AGBL4: variants seen among roughly 807,000 people sequenced by gnomAD.
The protein encoded by AGBL4 is cytosolic carboxypeptidase 6.
A neutral mutation model predicts 66.4 loss-of-function variants in AGBL4; 58 were observed. The ratio of observed to expected loss-of-function variants is 0.87; its 90% CI spans 0.71 to 1.09. The LOEUF is 1.09. Ranked by LOEUF, AGBL4 falls within the 50% of genes least tolerant of loss-of-function variation. AGBL4 has a pLI of 0.00. For synonymous variants in AGBL4, 234 were observed against 222.9 expected (o/e 1.05, Z -0.44); for missense variants, 579 against 631.0 (o/e 0.92, Z 0.88).
At chr1:49,049,193 A>G (rs1343623395) in intron 4 of AGBL4, among the ~76,000 whole-genome samples, 3 of 152,038 alleles carry the variant, frequency 2.0e-5, no homozygotes, top group Non-Finnish European at 4.4e-5. Flanking sequence ...TTTGTGCTCG[A>G]TCTTTCCTCT....
chr1:49,770,441 T>A (rs1435997178), intron 2 of AGBL4, among the ~76,000 whole-genome samples: 3 of 152,198 alleles, frequency 2.0e-5, no homozygotes, highest in African/African-American at 7.2e-5. Context: ...TTTTTGATAA[T>A]TTTTGCATCC....
At position 49,598,528 on chromosome 1, in the gene AGBL4, C is replaced by T. The variant is rs570171054; in HGVS notation, c.282+98785G>A. On this transcript the variant is annotated intron_variant, in intron 3 of 13. Transcript: ENST00000371839. ...ATCAGCAGCGGTGGCTGGAGAACAGCGGATTTTCGTGAACCGCGAATGCTG... is the reference window on the plus strand; with the variant it reads ...ATCAGCAGCGGTGGCTGGAGAACAGTGGATTTTCGTGAACCGCGAATGCTG... Among the ~76,000 whole-genome samples the T allele has an allele frequency of 7.9e-5, 12 of 152,268 alleles. No individual in the cohort carries two copies. In the South Asian group the frequency reaches 8.3e-4, roughly 11 times the overall value.
intron 3 of AGBL4, among the ~76,000 whole-genome samples, chr1:49,584,412 T>C (rs1276242734): frequency 6.6e-6 from 1 of 152,144 alleles, no homozygotes; most frequent in East Asian, 1.9e-4. Flanking sequence ...TATCCTTCCA[T>C]TGGGGGGCAG....
chr1:48,998,774 G>T (rs1053971909), intron 5 of AGBL4, among the ~76,000 whole-genome samples: 3 of 152,158 alleles, frequency 2.0e-5, no homozygotes, highest in African/African-American at 7.2e-5. Flanking sequence ...TTGTGAAAGA[G>T]AAATGAACGT....
chr1:49,847,020 T>C (rs1038840640), intron 2 of AGBL4, among the ~76,000 whole-genome samples: 4 of 152,222 alleles, frequency 2.6e-5, no homozygotes, highest in Non-Finnish European at 5.9e-5. Flanking sequence ...TTATCTGGCA[T>C]CAAATTACAC....
intron 1 of AGBL4, among the ~76,000 whole-genome samples, chr1:49,960,840 T>C (rs1657061232): frequency 6.6e-6 from 1 of 152,138 alleles, no homozygotes; most frequent in South Asian, 2.1e-4. Flanking sequence ...TGTTTGTCTC[T>C]TATGCACTGT....
At chr1:48,701,437 CT>C (rs369340298) in intron 6 of AGBL4, among the ~76,000 whole-genome samples, 3 of 57,534 alleles carry the variant, frequency 5.2e-5, no homozygotes, top group Middle Eastern at 0.013. Flanking sequence ...ACCAGATTGG[CT>C]TTTTTTTCTT....
intron 9 of AGBL4, among the ~76,000 whole-genome samples, chr1:48,613,270 G>A (rs1338489927): frequency 6.6e-6 from 1 of 152,146 alleles, no homozygotes; most frequent in African/African-American, 2.4e-5. Context: ...AGTCTGTGGT[G>A]CAACTGGAAT....
At chr1:49,445,679 G>C (rs1207365066) in intron 3 of AGBL4, among the ~76,000 whole-genome samples, 1 of 151,720 alleles carries the variant, frequency 6.6e-6, no homozygotes, top group Non-Finnish European at 1.5e-5. Flanking sequence ...GTATTGTCTT[G>C]AATAAATTCT....
intron 2 of AGBL4, among the ~76,000 whole-genome samples, chr1:49,833,580 G>C (rs529936656): frequency 8.8e-4 from 133 of 151,714 alleles, no homozygotes; most frequent in African/African-American, 3.1e-3. Flanking sequence ...AAATTACCTT[G>C]GGCAGTATGG....
At chr1:49,107,370 T>C (rs954496850) in intron 4 of AGBL4, among the ~76,000 whole-genome samples, 5 of 152,192 alleles carry the variant, frequency 3.3e-5, no homozygotes, top group African/African-American at 9.7e-5. Flanking sequence ...ATTTTCAATG[T>C]AATATTTTCA....
At chr1:49,348,516 G>T (rs1645685505) in intron 3 of AGBL4, among the ~76,000 whole-genome samples, 1 of 152,188 alleles carries the variant, frequency 6.6e-6, no homozygotes, top group South Asian at 2.1e-4. Context: ...GTGCTGTAAA[G>T]ATGAAGGCAG....
At chr1:48,751,615 T>C (rs1226359618) in intron 6 of AGBL4, among the ~76,000 whole-genome samples, 1 of 152,222 alleles carries the variant, frequency 6.6e-6, no homozygotes, top group Non-Finnish European at 1.5e-5. Context: ...TAATGAACAC[T>C]TTCCCACCTC....
chr1:49,394,933 A>G (rs1390059803), intron 3 of AGBL4, among the ~76,000 whole-genome samples: 3 of 152,126 alleles, frequency 2.0e-5, no homozygotes, highest in Non-Finnish European at 4.4e-5. Context: ...AAAGAATAAA[A>G]CTTCCTGAAT....
chr1:49,706,889 T>C (rs559506986), intron 2 of AGBL4, among the ~76,000 whole-genome samples: 2 of 152,358 alleles, frequency 1.3e-5, no homozygotes, highest in South Asian at 4.1e-4. Flanking sequence ...TCTAATTTGA[T>C]TGCACTGTGG....
At chr1:49,881,770 G>A (rs1337260381) in intron 1 of AGBL4, among the ~76,000 whole-genome samples, 1 of 151,374 alleles carries the variant, frequency 6.6e-6, no homozygotes, top group African/African-American at 2.4e-5. Flanking sequence ...TGAGTTCATT[G>A]TAGATTCTGG....
chr1:48,987,772 T>C lies in AGBL4; in HGVS notation c.594+57812A>G, dbSNP rs549001703. ...ATTCTGGGTCATAAAACAAGTTTCA[T>C]GCATGTGAAAAACCTGATGGAATCT... On this transcript the variant is annotated intron_variant, in intron 5 of 13. Transcript: ENST00000371839. Among the ~76,000 whole-genome samples, 5 of 152,212 alleles carry C rather than the reference T, an allele frequency of 3.3e-5. No individual in the cohort carries two copies. In the East Asian group the frequency reaches 9.7e-4, roughly 29 times the overall value.
chr1:49,285,259 C>G (rs1352353346), intron 3 of AGBL4, among the ~76,000 whole-genome samples: 1 of 152,080 alleles, frequency 6.6e-6, no homozygotes, highest in African/African-American at 2.4e-5. Flanking sequence ...ACAACCTGCT[C>G]CTGAATGACT....
chr1:49,356,330 G>A (rs1329119790), intron 3 of AGBL4, among the ~76,000 whole-genome samples: 2 of 152,088 alleles, frequency 1.3e-5, no homozygotes, highest in Non-Finnish European at 1.5e-5. Context: ...TCTGATAAAC[G>A]ACAGACACAG....
Sources: allele counts gnomAD v4.1 joint callset (sites outside exome capture counted in the v4.1 genomes callset), GRCh38; gene constraint gnomAD v4.1.1; transcripts MANE v1.5; gene names NCBI Gene and HGNC (gene_info 2026-07-23, HGNC 2026-07-21).